TMEM63B: variants seen among roughly 807,000 people sequenced by gnomAD.
TMEM63B encodes the protein transmembrane protein 63B.
Under a neutral mutation model 102.6 loss-of-function variants are expected in TMEM63B, and 23 were observed. That is an observed-to-expected ratio of 0.22 (90% CI 0.16 to 0.32). TMEM63B has a LOEUF of 0.32. Among genes scored for constraint, TMEM63B ranks in the 10% least tolerant of loss-of-function variants. The pLI is 1.00. For missense variants in TMEM63B, 628 were observed against 1,095.9 expected (o/e 0.57, Z 6.03); for synonymous variants, 444 against 437.0 (o/e 1.02, Z -0.20).
In TMEM63B at chr6:44,152,607, G is replaced by T; in HGVS notation, c.1851G>T (p.Glu617Asp). The change falls in exon 20 of 24, where the codon GAG (glutamate) becomes GAT (aspartate). Residue 617 changes from glutamate (E) to aspartate (D), a missense_variant. Glu to Asp is a conservative substitution (Grantham distance 45). Around this residue, in one of 6 missense-constraint regions of TMEM63B, gnomAD observed 90 missense variants for 136.7 expected, o/e 0.66. Coordinates refer to ENST00000323267, the MANE Select transcript of TMEM63B (RefSeq NM_018426.3). This position sits in a 1 kb window ranked among gnomAD's most constrained non-coding sequence, Gnocchi z 6.4. ...CTCCCCCCCAGCATCAGGCCTACGA[G>T]TTCCAGTTTGGCGCAGCCTACGCCT... ...RRNVKRHQAY[E>D]FQFGAAYAWM... 1 of 1,608,354 alleles carries T rather than the reference G, an allele frequency of 6.2e-7. No individual in the cohort carries two copies. The highest frequency in any genetic ancestry group is 8.5e-7 in the Non-Finnish European group (1 of 1,179,876).
intron 1 of TMEM63B, chr6:44,132,208 C>G (rs1185648664): frequency 2.1e-6 from 2 of 954,930 alleles, no homozygotes; most frequent in East Asian, 1.2e-4. Context: ...CTGCCTTCCT[C>G]CCATGCAGGT....
At chr6:44,133,524 G>T (rs1762344142) in intron 1 of TMEM63B, among the ~76,000 whole-genome samples, 1 of 152,172 alleles carries the variant, frequency 6.6e-6, no homozygotes, top group African/African-American at 2.4e-5. Flanking sequence ...AATGGGTGGG[G>T]CAGTGCTGCA....
chr6:44,127,686 C>A lies in TMEM63B; in HGVS notation c.-25+8C>A, dbSNP rs1281480888. Reference sequence around the variant, plus strand: ...CCGAGTCTGCGCCTGGGGGTGAGTACGCGACCCCTACCCAGCCCTCGCTCT... The same window carrying A: ...CCGAGTCTGCGCCTGGGGGTGAGTAAGCGACCCCTACCCAGCCCTCGCTCT... On this transcript the variant is annotated splice_region_variant and intron_variant, in intron 1 of 23. Transcript: ENST00000323267. The A allele has an allele frequency of 1.4e-5, 2 of 147,926 alleles. No individual in the cohort carries two copies. The highest frequency in any genetic ancestry group is 4.9e-5 in the African/African-American group (2 of 40,458). The allele number at this position is 147,926 out of a possible 1,614,324, so 9.2% of individuals were successfully genotyped here.
At chr6:44,139,446 G>T (rs776640775) in intron 6 of TMEM63B, 21 bp from the exon 7 acceptor site, 2 of 1,613,670 alleles carry the variant, frequency 1.2e-6, no homozygotes, top group South Asian at 2.2e-5. Context: ...TAATTCCTTT[G>T]TCCAACCCGT....
chr6:44,151,140 G>A (rs1049731770), intron 18 of TMEM63B, among the ~76,000 whole-genome samples: 1 of 151,990 alleles, frequency 6.6e-6, no homozygotes, highest in South Asian at 2.1e-4. Context: ...TGTGGGCGGG[G>A]AGGCTAAAGG....
intron 1 of TMEM63B, among the ~76,000 whole-genome samples, chr6:44,128,825 C>G (rs1416147655): frequency 1.3e-5 from 2 of 152,196 alleles, no homozygotes; most frequent in African/African-American, 4.8e-5. Flanking sequence ...CTCCAGGGCA[C>G]CAGAGGGTCC....
rs566844764 is a variant in TMEM63B, at chr6:44,151,581, TC to T, written c.1674-261del. 3.9e-4 allele frequency among the ~76,000 whole-genome samples: 59 copies of T among 152,266 alleles called. No individual in the cohort carries two copies. In the South Asian group the frequency reaches 0.012, roughly 31 times the overall value. On this transcript the variant is annotated intron_variant, in intron 18 of 23. Transcript: ENST00000323267. ...TGTCTTTGGGGGTCCTGGACAGTTC[TC>T]CCCTGAACATTCTAGCAGCCTTAGG...
intron 10 of TMEM63B, 48 bp from the exon 11 acceptor site, chr6:44,146,799 C>G (rs771608210): frequency 1.3e-6 from 2 of 1,579,554 alleles, no homozygotes; most frequent in Non-Finnish European, 1.7e-6. Context: ...AAGTCAGGGG[C>G]AGGTGGGTGG....
In TMEM63B at chr6:44,150,428, G is replaced by T; in HGVS notation, c.1607+118G>T. On this transcript the variant is annotated intron_variant, in intron 17 of 23. Transcript: ENST00000323267. This position sits in a 1 kb window ranked among gnomAD's most constrained non-coding sequence, Gnocchi z 4.7. ...CAAGGGGCCCAAGATGGGAAGCCTG[G>T]CCACCCCCAGGCCTCCTGAGCTACC... is the stretch of plus-strand genomic sequence containing the variant. 2 of 1,455,508 alleles carry T rather than the reference G, an allele frequency of 1.4e-6. No homozygotes were observed. The highest frequency in any genetic ancestry group is 9.6e-7 in the Non-Finnish European group (1 of 1,041,640). The allele number at this position is 1,455,508 out of a possible 1,614,324, so 90.2% of individuals were successfully genotyped here. A position where few individuals can be genotyped will look rare whatever the true frequency, so the allele number is the denominator to read the frequency against.
chr6:44,154,195 G>A lies in TMEM63B; in HGVS notation c.2226+7G>A, dbSNP rs1446682419. The A allele has an allele frequency of 6.2e-7, 1 of 1,613,472 alleles. No individual in the cohort carries two copies. Among genetic ancestry groups the A allele is most frequent in the Non-Finnish European group, 8.5e-7 (1 of 1,179,458 alleles). On this transcript the variant is annotated splice_region_variant and intron_variant, in intron 22 of 23. Coordinates refer to ENST00000323267, the MANE Select transcript of TMEM63B (RefSeq NM_018426.3). ...CAGTGCCCACAACTACAAGGTGTGG[G>A]GCAAGGGTGGCAGGCGGATGGCTGC... is the stretch of plus-strand genomic sequence containing the variant.
Position 44,139,703 on chromosome 6 carries a change from C to A in TMEM63B, c.551-5C>A. On this transcript the variant is annotated splice_polypyrimidine_tract_variant and splice_region_variant and intron_variant, in intron 7 of 23. Transcript: ENST00000323267. ...CATCATCCTCTCCCTCTTCCCACCC[C>A]ACAGAGAACAATGCCTACAGCTTTG... The A allele has an allele frequency of 6.2e-7, 1 of 1,614,158 alleles. No individual in the cohort carries two copies. The highest frequency in any genetic ancestry group is 8.5e-7 in the Non-Finnish European group (1 of 1,180,026).
chr6:44,140,907 C>G, intron 9 of TMEM63B, 121 bp from the exon 10 acceptor site: 1 of 816,534 alleles, frequency 1.2e-6, no homozygotes, highest in East Asian at 2.6e-5. Flanking sequence ...TTCCCCTCTG[C>G]TCACCTACTT....
Position 44,150,046 on chromosome 6 carries a change from C to A in TMEM63B, c.1520+81C>A. 1 of 1,459,480 alleles carries A rather than the reference C, an allele frequency of 6.9e-7. No homozygotes were observed. The highest frequency in any genetic ancestry group is 9.4e-7 in the Non-Finnish European group (1 of 1,059,894). The allele number at this position is 1,459,480 out of a possible 1,614,324, so 90.4% of individuals were successfully genotyped here. A position where few individuals can be genotyped will look rare whatever the true frequency, so the allele number is the denominator to read the frequency against. On this transcript the variant is annotated intron_variant, in intron 16 of 23. Transcript: ENST00000323267. The surrounding 1 kb of genome is among the most constrained non-coding windows in gnomAD (Gnocchi z 4.7). ...CCTCTCTGGGCAGCACTTTGCCCTT[C>A]AGGCTCCTGGCCCTGGGCAGTCCCA...
In TMEM63B at chr6:44,135,004, C is replaced by T. The variant is rs1015212983; in HGVS notation, c.160-13C>T. 1 of 1,614,196 alleles carries T rather than the reference C, an allele frequency of 6.2e-7. No homozygotes were observed. Among genetic ancestry groups the T allele is most frequent in the Non-Finnish European group, 8.5e-7 (1 of 1,180,024 alleles). ...CAGCCTCTGCACTTGCCAACTGCCC[C>T]CTCTTCCCTCAGGCACTGCTGTTCT... On this transcript the variant is annotated splice_polypyrimidine_tract_variant and intron_variant, in intron 2 of 23. Transcript: ENST00000323267.
At chr6:44,129,200 G>A (rs900308931) in intron 1 of TMEM63B, among the ~76,000 whole-genome samples, 15 of 151,426 alleles carry the variant, frequency 9.9e-5, no homozygotes, top group Admixed American at 5.9e-4. Context: ...AAACCCCATC[G>A]CTACTAAAAA....
intron 10 of TMEM63B, among the ~76,000 whole-genome samples, chr6:44,145,969 T>C (rs1258823245): frequency 6.6e-6 from 1 of 152,090 alleles, no homozygotes; most frequent in East Asian, 1.9e-4. Context: ...CTGGGGTCAG[T>C]CTTTGGCCAG....
chr6:44,135,200 G>T (rs1762677567), intron 3 of TMEM63B, 104 bp downstream of exon 3: 2 of 1,571,238 alleles, frequency 1.3e-6, no homozygotes, highest in Non-Finnish European at 1.7e-6. Context: ...CTTTGCTGGG[G>T]GGATGAGAAG....
intron 6 of TMEM63B, 53 bp from the exon 7 acceptor site, chr6:44,139,414 C>T (rs181880322): frequency 5.6e-6 from 9 of 1,599,366 alleles, no homozygotes; most frequent in Non-Finnish European, 7.7e-6. Flanking sequence ...GTTGCAGCCC[C>T]CTTCTTGCCC....
Position 44,139,695 on chromosome 6 carries a change from T to C in TMEM63B, c.551-13T>C. ...GACCCCACCATCATCCTCTCCCTCT[T>C]CCCACCCCACAGAGAACAATGCCTA... On this transcript the variant is annotated splice_polypyrimidine_tract_variant and intron_variant, in intron 7 of 23. Transcript: ENST00000323267. 1 of 1,614,072 alleles carries C rather than the reference T, an allele frequency of 6.2e-7. No individual in the cohort carries two copies. Among genetic ancestry groups the C allele is most frequent in the Non-Finnish European group, 8.5e-7 (1 of 1,180,018 alleles).
Sources: gnomAD v4.1 joint callset for allele counts (sites outside exome capture counted in the v4.1 genomes callset) on GRCh38, gnomAD v4.1.1 for gene constraint, gnomAD v4.1.1 regional missense constraint, Gnocchi (gnomAD v3.1) non-coding constraint, MANE v1.5 for transcripts, NCBI Gene and HGNC (gene_info 2026-07-23, HGNC 2026-07-21) for gene names.